Variants in MACROD2 observed in about 807,000 individuals in gnomAD.
MACROD2 encodes the protein ADP-ribose glycohydrolase MACROD2.
A neutral mutation model predicts 70.4 loss-of-function variants in MACROD2; 36 were observed. That is an observed-to-expected ratio of 0.51 (90% CI 0.39 to 0.68). The LOEUF is 0.68. Among genes scored for constraint, MACROD2 ranks in the 30% least tolerant of loss-of-function variants. MACROD2 has a pLI of 0.00. For synonymous variants in MACROD2, 172 were observed against 178.8 expected (o/e 0.96, Z 0.30); for missense variants, 496 against 538.4 (o/e 0.92, Z 0.78).
At chr20:15,904,948 G>C (rs1419590970) in intron 10 of MACROD2, among the ~76,000 whole-genome samples, 3 of 151,048 alleles carry the variant, frequency 2.0e-5, no homozygotes, top group South Asian at 2.1e-4. Context: ...GGGAGAAAAA[G>C]GAAAATAGTT....
intron 6 of MACROD2, among the ~76,000 whole-genome samples, chr20:15,238,626 G>A (rs984483713): frequency 2.0e-5 from 3 of 151,996 alleles, no homozygotes; most frequent in Non-Finnish European, 4.4e-5. Context: ...CTTTAGGACC[G>A]TGATCAATTC....
chr20:15,899,176 ATATG>A (rs150841076), intron 10 of MACROD2, among the ~76,000 whole-genome samples: 2,387 of 152,074 alleles, frequency 0.016, 51 homozygotes, highest in African/African-American at 0.053. Context: ...TGTGCTATGT[ATATG>A]TATGTATGCA....
intron 6 of MACROD2, among the ~76,000 whole-genome samples, chr20:15,266,639 A>T (rs1191481431): frequency 1.3e-5 from 2 of 152,182 alleles, no homozygotes; most frequent in African/African-American, 2.4e-5. Flanking sequence ...AAATGTTCCA[A>T]ATCTCAATTC....
intron 5 of MACROD2, among the ~76,000 whole-genome samples, chr20:15,148,726 C>G (rs533455162): frequency 6.6e-6 from 1 of 152,168 alleles, no homozygotes; most frequent in South Asian, 2.1e-4. Context: ...CTGTAGCATT[C>G]TGAGGACAGG....
intron 5 of MACROD2, among the ~76,000 whole-genome samples, chr20:15,123,199 A>G (rs1354854738): frequency 1.3e-5 from 2 of 152,184 alleles, no homozygotes; most frequent in African/African-American, 4.8e-5. Flanking sequence ...CTAGACATGG[A>G]CAACAAGCTG....
At chr20:15,893,729 C>T (rs1305811308) in intron 10 of MACROD2, 1 of 456,706 alleles carries the variant, frequency 2.2e-6, no homozygotes, top group South Asian at 1.5e-5. Context: ...CATATTTACG[C>T]TTTGTCTTTC....
At chr20:15,105,109 G>A (rs1025469287) in intron 5 of MACROD2, among the ~76,000 whole-genome samples, 2 of 152,238 alleles carry the variant, frequency 1.3e-5, no homozygotes, top group South Asian at 2.1e-4. Context: ...CAAGTGACAG[G>A]AAACACAATT....
intron 8 of MACROD2, among the ~76,000 whole-genome samples, chr20:15,575,650 G>A (rs553296074): frequency 1.3e-5 from 2 of 152,286 alleles, no homozygotes; most frequent in East Asian, 3.9e-4. Flanking sequence ...TGTTTTTAAA[G>A]ATAGGGTAGA....
At chr20:14,215,006 A>G (rs2081603435) in intron 3 of MACROD2, among the ~76,000 whole-genome samples, 2 of 150,820 alleles carry the variant, frequency 1.3e-5, no homozygotes, top group South Asian at 2.1e-4. Flanking sequence ...ATGTTTATAT[A>G]TATTCCATCA....
chr20:14,394,736 A>G (rs898265134), intron 3 of MACROD2, among the ~76,000 whole-genome samples: 2 of 152,144 alleles, frequency 1.3e-5, no homozygotes, highest in Non-Finnish European at 2.9e-5. Context: ...GTTGTTTTTA[A>G]AAAATACATA....
intron 4 of MACROD2, among the ~76,000 whole-genome samples, chr20:14,635,910 A>G (rs1394814677): frequency 6.6e-6 from 1 of 152,224 alleles, no homozygotes; most frequent in Non-Finnish European, 1.5e-5. Flanking sequence ...GAGTTTTCCC[A>G]ATGATATGAG....
At chr20:14,930,892 C>A (rs1468190618) in intron 5 of MACROD2, among the ~76,000 whole-genome samples, 1 of 143,418 alleles carries the variant, frequency 7.0e-6, no homozygotes, top group African/African-American at 2.6e-5. Flanking sequence ...AAGCCAGGCA[C>A]AGTGGCTCAC....
intron 8 of MACROD2, among the ~76,000 whole-genome samples, chr20:15,749,476 G>A (rs2051235302): frequency 6.6e-6 from 1 of 151,908 alleles, no homozygotes; most frequent in Non-Finnish European, 1.5e-5. Context: ...GTGTTTAATG[G>A]ATATGTATTG....
chr20:14,107,384 A>G (rs1170529254), intron 3 of MACROD2, among the ~76,000 whole-genome samples: 1 of 152,118 alleles, frequency 6.6e-6, no homozygotes, highest in Non-Finnish European at 1.5e-5. Flanking sequence ...GAAAAGAATG[A>G]AGCATGCCTA....
In MACROD2 at chr20:15,076,590, C is replaced by T. The variant is rs184371920; in HGVS notation, c.419-153350C>T. On this transcript the variant is annotated intron_variant, in intron 5 of 17. Coordinates refer to ENST00000684519, the MANE Select transcript of MACROD2 (RefSeq NM_001351661.2). Reference sequence around the variant, plus strand: ...CAATATGCTTTCTCACTTTTCAGCTCCAAGGAGGTCTGTAGGAGATATAGC... The same window carrying T: ...CAATATGCTTTCTCACTTTTCAGCTTCAAGGAGGTCTGTAGGAGATATAGC... Among the ~76,000 whole-genome samples the T allele has an allele frequency of 3.1e-3, 465 of 152,232 alleles. 11 individuals are homozygous for T. Among genetic ancestry groups the T allele is most frequent in the African/African-American group, 0.01 (429 of 41,550 alleles).
chr20:15,159,435 T>G (rs1172713118), intron 5 of MACROD2, among the ~76,000 whole-genome samples: 1 of 152,088 alleles, frequency 6.6e-6, no homozygotes, highest in African/African-American at 2.4e-5. Flanking sequence ...TTCAAAAATA[T>G]GCAACTCTAT....
In MACROD2 at chr20:14,899,046, C is replaced by G. The variant is rs536516691; in HGVS notation, c.418+214087C>G. On this transcript the variant is annotated intron_variant, in intron 5 of 17. Transcript: ENST00000684519. ...ATTGTCAACATGACTAACTCCAACA[C>G]TTAGTTATAGTTGTTACTTTTCAGC... 5.3e-4 allele frequency among the ~76,000 whole-genome samples: 81 copies of G among 152,208 alleles called. 2 individuals are homozygous for G. The South Asian group carries it at 0.016, about 29-fold the overall frequency.
chr20:15,018,302 T>C (rs555109445), intron 5 of MACROD2, among the ~76,000 whole-genome samples: 33 of 152,148 alleles, frequency 2.2e-4, no homozygotes, highest in African/African-American at 7.7e-4. Context: ...ATAACAAGAG[T>C]CACCTTTGCT....
chr20:15,906,501 AG>A (rs1436785746), intron 10 of MACROD2, among the ~76,000 whole-genome samples: 2 of 152,250 alleles, frequency 1.3e-5, no homozygotes, highest in African/African-American at 4.8e-5. Context: ...CACAATAAAA[AG>A]ATCAAAATTA....
Sources: gnomAD v4.1 joint callset for allele counts (sites outside exome capture counted in the v4.1 genomes callset) on GRCh38, gnomAD v4.1.1 for gene constraint, MANE v1.5 for transcripts, NCBI Gene and HGNC (gene_info 2026-07-23, HGNC 2026-07-21) for gene names.